Variants in ARHGAP32 observed in about 807,000 individuals in gnomAD.
ARHGAP32 encodes the protein rho GTPase-activating protein 32.
Under a neutral mutation model 186.5 loss-of-function variants are expected in ARHGAP32, and 51 were observed. That is an observed-to-expected ratio of 0.27 (90% CI 0.22 to 0.35). ARHGAP32 has a LOEUF of 0.35. Among genes scored for constraint, ARHGAP32 ranks in the 10% least tolerant of loss-of-function variants. The pLI is 1.00. For synonymous variants in ARHGAP32, 950 were observed against 964.3 expected, an observed-to-expected ratio of 0.99 and a Z score of 0.27; for missense variants, 2,186 against 2,623.5, an observed-to-expected ratio of 0.83 and a Z score of 3.64.
chr11:129,023,932 T>C, intron 11 of ARHGAP32: 2 of 985,414 alleles, frequency 2.0e-6, no homozygotes, highest in Non-Finnish European at 2.4e-6. Context: ...AGTAGATTCA[T>C]CAGGATACAA....
At chr11:129,193,549 A>ATATATATATAATATATATATTATATAAT (rs1491369040), upstream of ARHGAP32, among the ~76,000 whole-genome samples, 9 of 50,026 alleles carry the variant, frequency 1.8e-4, no homozygotes, top group Non-Finnish European at 3.4e-5. Context: ...TATTATATAT[A>ATATATATATAATATATATATTATATAAT]ATATATATAT....
chr11:129,096,532 C>T (rs769188836), intron 5 of ARHGAP32, among the ~76,000 whole-genome samples: 13 of 152,030 alleles, frequency 8.6e-5, no homozygotes, highest in Non-Finnish European at 4.4e-5. Context: ...CCCCCGGCCC[C>T]GCCCCGCCCC....
intron 1 of ARHGAP32, among the ~76,000 whole-genome samples, chr11:129,255,401 C>T (rs974997963): frequency 6.6e-6 from 1 of 151,938 alleles, no homozygotes; most frequent in African/African-American, 2.4e-5. Flanking sequence ...AAATGCAGAT[C>T]TAAACACAAA....
chr11:129,103,332 T>A (rs1591616782), intron 5 of ARHGAP32, among the ~76,000 whole-genome samples: 1 of 151,754 alleles, frequency 6.6e-6, no homozygotes, highest in African/African-American at 2.4e-5. Flanking sequence ...TGAAAACAGG[T>A]CAATGAAAAG....
At chr11:129,109,511 T>A (rs924861840) in intron 5 of ARHGAP32, among the ~76,000 whole-genome samples, 1 of 152,094 alleles carries the variant, frequency 6.6e-6, no homozygotes, top group Admixed American at 6.5e-5. Flanking sequence ...CTGTTTTAAA[T>A]AGTGCTTGTA....
At chr11:129,266,767 CT>C (rs1945405914) in intron 1 of ARHGAP32, among the ~76,000 whole-genome samples, 3 of 152,204 alleles carry the variant, frequency 2.0e-5, no homozygotes, top group Non-Finnish European at 2.9e-5. Flanking sequence ...AACCATACCC[CT>C]GACCATGGGG....
At chr11:129,238,934 A>T (rs1185422231) in intron 1 of ARHGAP32, among the ~76,000 whole-genome samples, 1 of 152,150 alleles carries the variant, frequency 6.6e-6, no homozygotes, top group Non-Finnish European at 1.5e-5. Context: ...TCCCAGGCTC[A>T]AGTGATCCTC....
At chr11:129,197,783 A>T (rs906268188) in intron 1 of ARHGAP32, among the ~76,000 whole-genome samples, 2 of 152,130 alleles carry the variant, frequency 1.3e-5, no homozygotes, top group South Asian at 4.1e-4. Context: ...CAAAATTTAG[A>T]TTTTTTTATA....
chr11:129,136,694 T>C (rs1378041278), intron 2 of ARHGAP32, among the ~76,000 whole-genome samples: 1 of 152,096 alleles, frequency 6.6e-6, no homozygotes, highest in Non-Finnish European at 1.5e-5. Flanking sequence ...GATGGCTTAA[T>C]AGAACATCTA....
Position 128,965,178 on chromosome 11 carries a change from A to ACCCC in ARHGAP32, c.*3725_*3728dup, listed in dbSNP as rs1207197803. The ACCCC allele has an allele frequency of 9.3e-6, 1 of 107,644 alleles. No homozygotes were observed. The highest frequency in any genetic ancestry group is 2.8e-4 in the East Asian group (1 of 3,512). 6.7% of individuals were successfully genotyped at this position (107,644 alleles called of 1,614,324 possible). On this transcript the variant is annotated 3_prime_UTR_variant, in exon 23 of 23. Transcript: ENST00000682385. ...AAAATCCCTTCCTCCCTCCCCTGCC[A>ACCCC]CCCCCCACCCCACCCTGCAACCAAA... is the stretch of plus-strand genomic sequence containing the variant.
chr11:129,076,448 CA>C (rs1431599002), intron 6 of ARHGAP32, among the ~76,000 whole-genome samples: 1 of 151,904 alleles, frequency 6.6e-6, no homozygotes, highest in African/African-American at 2.4e-5. Context: ...AATGAGACCA[CA>C]AGGAATTAAA....
At chr11:129,173,548 A>G (rs1299024855) in intron 1 of ARHGAP32, among the ~76,000 whole-genome samples, 1 of 152,208 alleles carries the variant, frequency 6.6e-6, no homozygotes. Flanking sequence ...ACCTCTGATG[A>G]ACATCGATGC....
At position 129,200,101 on chromosome 11, in the gene ARHGAP32, T is replaced by G. The variant is rs536880744; in HGVS notation, c.-4-35674A>C. ...AACAGCTGTATTTACCCAATGCCTGTACCCCCCATTGTATCTAGGAGGTAA... is the reference window on the plus strand; with the variant it reads ...AACAGCTGTATTTACCCAATGCCTGGACCCCCCATTGTATCTAGGAGGTAA... On this transcript the variant is annotated intron_variant, in intron 1 of 6. Coordinates refer to the ARHGAP32 transcript ENST00000525234. 8.5e-5 allele frequency among the ~76,000 whole-genome samples: 13 copies of G among 152,316 alleles called. No individual in the cohort carries two copies. In the South Asian group the frequency reaches 1.2e-3, roughly 15 times the overall value.
intron 1 of ARHGAP32, among the ~76,000 whole-genome samples, chr11:129,244,022 T>G (rs559199884): frequency 1.3e-5 from 2 of 152,340 alleles, no homozygotes; most frequent in African/African-American, 4.8e-5. Flanking sequence ...CCTAATATAA[T>G]GCCTGGCACA....
intron 5 of ARHGAP32, among the ~76,000 whole-genome samples, chr11:129,111,773 T>C (rs1942223762): frequency 6.6e-6 from 1 of 152,110 alleles, no homozygotes; most frequent in Non-Finnish European, 1.5e-5. Flanking sequence ...CCCCTTTCTT[T>C]TTTTGAGACA....
At chr11:129,182,317 T>C (rs1413621680) in intron 1 of ARHGAP32, among the ~76,000 whole-genome samples, 2 of 152,128 alleles carry the variant, frequency 1.3e-5, no homozygotes, top group East Asian at 3.9e-4. Flanking sequence ...TTTTATATAT[T>C]AGCCCATTTT....
intron 1 of ARHGAP32, among the ~76,000 whole-genome samples, chr11:129,167,186 A>C (rs1157396527): frequency 1.3e-5 from 2 of 152,214 alleles, no homozygotes; most frequent in Non-Finnish European, 2.9e-5. Context: ...GGTAAACTTA[A>C]ATTCAAGCAC....
chr11:128,969,533 G>A lies in ARHGAP32; in HGVS notation c.5680C>T (p.His1894Tyr), dbSNP rs773644109. The change falls in exon 23 of 23, where the codon CAC (histidine) becomes TAC (tyrosine). Residue 1894 changes from histidine to tyrosine, a missense_variant. Physicochemically the swap from His to Tyr is moderately conservative, Grantham distance 83. This residue lies in a region of ARHGAP32 where 1,502 missense variants were observed against 1,570.0 expected (regional missense o/e 0.96). Transcript: ENST00000682385. This position sits in a 1 kb window ranked among gnomAD's most constrained non-coding sequence, Gnocchi z 4.8. ...AACTGCCTATGGCTTGCTTCTTGGT[G>A]TGCCCTGTGCTCAGGAAGACTGCAG... is the stretch of plus-strand genomic sequence containing the variant. ...MGCSLPEHRAHQEASHRQFCE... is the reference protein window; with the variant it reads ...MGCSLPEHRAYQEASHRQFCE... The A allele has an allele frequency of 3.1e-6, 5 of 1,614,178 alleles. No homozygotes were observed. The highest frequency in any genetic ancestry group is 1.7e-5 in the Admixed American group (1 of 60,024).
At chr11:129,236,386 C>T (rs547830174) in intron 1 of ARHGAP32, among the ~76,000 whole-genome samples, 1 of 152,158 alleles carries the variant, frequency 6.6e-6, no homozygotes, top group Non-Finnish European at 1.5e-5. Context: ...AACTGTCTAT[C>T]CATGTCCTTA....
Sources: allele counts gnomAD v4.1 joint callset (sites outside exome capture counted in the v4.1 genomes callset), GRCh38; gene constraint gnomAD v4.1.1; regional missense constraint gnomAD v4.1.1; non-coding constraint Gnocchi (gnomAD v3.1); transcripts MANE v1.5; gene names NCBI Gene and HGNC (gene_info 2026-07-23, HGNC 2026-07-21).